The following DSCAM variants were observed in gnomAD, a reference collection of about 807,000 sequenced individuals.
DSCAM encodes the protein cell adhesion molecule DSCAM.
DSCAM carries 47 observed loss-of-function variants against 217.7 expected under a neutral mutation model. That is an observed-to-expected ratio of 0.22 (90% CI 0.17 to 0.28). The LOEUF is 0.28. DSCAM is among the 10% of genes least tolerant of loss of function. DSCAM has a pLI of 1.00. For missense variants in DSCAM, 2,080 were observed against 2,618.3 expected (o/e 0.79, Z 4.49); for synonymous variants, 1,056 against 1,015.3 (o/e 1.04, Z -0.76).
chr21:40,396,779 T>C (rs747267936), intron 3 of DSCAM, among the ~76,000 whole-genome samples: 7 of 152,184 alleles, frequency 4.6e-5, no homozygotes, highest in Non-Finnish European at 8.8e-5. Context: ...AACTGTCCTA[T>C]AGAATTAATG....
chr21:40,304,358 T>C (rs1176599793), intron 9 of DSCAM, among the ~76,000 whole-genome samples: 1 of 152,364 alleles, frequency 6.6e-6, no homozygotes, highest in African/African-American at 2.4e-5. Context: ...TGTATCAAGC[T>C]TGTACTTAAG....
chr21:40,247,431 A>G (rs1569021755), intron 11 of DSCAM, among the ~76,000 whole-genome samples: 1 of 152,216 alleles, frequency 6.6e-6, no homozygotes, highest in African/African-American at 2.4e-5. Context: ...GGGTACAGGC[A>G]TTGGGGAAAT....
At chr21:40,649,838 A>AT (rs2089992034) in intron 3 of DSCAM, among the ~76,000 whole-genome samples, 1 of 152,140 alleles carries the variant, frequency 6.6e-6, no homozygotes, top group African/African-American at 2.4e-5. Context: ...TTTTCACTAT[A>AT]TTTTGTCTCA....
chr21:40,067,175 T>C (rs1416272916), intron 27 of DSCAM, among the ~76,000 whole-genome samples: 1 of 152,200 alleles, frequency 6.6e-6, no homozygotes, highest in African/African-American at 2.4e-5. Flanking sequence ...GTATCTCATG[T>C]AAAAATAATG....
At position 40,144,725 on chromosome 21, in the gene DSCAM, T is replaced by G. The variant is rs755715843; in HGVS notation, c.3025A>C (p.Lys1009Gln). The G allele has an allele frequency of 6.2e-7, 1 of 1,614,196 alleles. No homozygotes were observed. Among genetic ancestry groups the G allele is most frequent in the Non-Finnish European group, 8.5e-7 (1 of 1,180,044 alleles). ...QSIRVTWKAPKKHLQNGIIRG... is the reference protein window; with the variant it reads ...QSIRVTWKAPQKHLQNGIIRG... ...ATAATCCCATTTTGCAAATGTTTCT[T>G]GGGAGCCTAAACAGGAGAGAAAAGA... The change falls in exon 17 of 33, where the codon AAG (lysine) becomes CAG (glutamine). Residue 1009 changes from lysine to glutamine, a missense_variant. Lys to Gln is a moderately conservative substitution (Grantham distance 53). Coordinates refer to ENST00000400454, the MANE Select transcript of DSCAM (RefSeq NM_001389.5). This position sits in a 1 kb window ranked among gnomAD's most constrained non-coding sequence, Gnocchi z 4.8.
rs543677858 is a variant in DSCAM at position 40,554,172 on chromosome 21, C to T, written c.508+138638G>A. On this transcript the variant is annotated intron_variant, in intron 3 of 32. Transcript: ENST00000400454. ...GGGACTACAGGCATGCATCACCATGCCTGGCTGTTTGTTTTGATTGTTAGT... is the reference window on the plus strand; with the variant it reads ...GGGACTACAGGCATGCATCACCATGTCTGGCTGTTTGTTTTGATTGTTAGT... Among the ~76,000 whole-genome samples, 12 of 151,776 alleles carry T rather than the reference C, an allele frequency of 7.9e-5. No homozygotes were observed. In the South Asian group the frequency reaches 2.3e-3, roughly 29 times the overall value.
intron 30 of DSCAM, among the ~76,000 whole-genome samples, chr21:40,051,420 G>A (rs2088928999): frequency 6.6e-6 from 1 of 152,138 alleles, no homozygotes; most frequent in African/African-American, 2.4e-5. Flanking sequence ...CTCAAACAGT[G>A]TGTTCAGGGG....
chr21:40,467,964 C>G (rs1037999376), intron 3 of DSCAM, among the ~76,000 whole-genome samples: 1 of 150,238 alleles, frequency 6.7e-6, no homozygotes, highest in Admixed American at 6.6e-5. Context: ...ACATAGCTCC[C>G]TCACAATTTG....
At chr21:40,562,490 A>G (rs2076728289) in intron 3 of DSCAM, among the ~76,000 whole-genome samples, 1 of 152,144 alleles carries the variant, frequency 6.6e-6, no homozygotes, top group Non-Finnish European at 1.5e-5. Context: ...ACACCTCCCT[A>G]GACACACCAC....
chr21:40,492,439 A>G (rs1210847058), intron 3 of DSCAM, among the ~76,000 whole-genome samples: 6 of 152,176 alleles, frequency 3.9e-5, no homozygotes, highest in Non-Finnish European at 5.9e-5. Context: ...TAATTCAAAA[A>G]ATTTTTAAGA....
intron 2 of DSCAM, among the ~76,000 whole-genome samples, chr21:40,706,065 C>T (rs1031612814): frequency 1.3e-5 from 2 of 151,642 alleles, no homozygotes; most frequent in Admixed American, 6.6e-5. Flanking sequence ...CCTGTAGTCC[C>T]AGCTACTCTG....
chr21:40,061,907 G>A (rs940240149), intron 28 of DSCAM, among the ~76,000 whole-genome samples: 22 of 152,204 alleles, frequency 1.4e-4, no homozygotes, highest in African/African-American at 3.4e-4. Context: ...GTTCACTATC[G>A]GAGTCCTTGA....
intron 11 of DSCAM, among the ~76,000 whole-genome samples, chr21:40,221,372 T>G (rs183713692): frequency 6.7e-6 from 1 of 150,176 alleles, no homozygotes; most frequent in Non-Finnish European, 1.5e-5. Context: ...TATAATAATG[T>G]GTACGTGTAT....
chr21:40,597,500 C>CTTTTTTTTTTTTTTTTTT (rs10530311), intron 3 of DSCAM, among the ~76,000 whole-genome samples: 1 of 75,854 alleles, frequency 1.3e-5, no homozygotes, highest in Non-Finnish European at 2.3e-5. Flanking sequence ...CAGTAATAGG[C>CTTTTTTTTTTTTTTTTTT]TTTTTTTTTT....
In DSCAM at chr21:40,691,780, C is replaced by T. The variant is rs1200370038; in HGVS notation, c.508+1030G>A. Among the ~76,000 whole-genome samples, 4 of 152,136 alleles carry T rather than the reference C, an allele frequency of 2.6e-5. No individual in the cohort carries two copies. The East Asian group carries it at 7.7e-4, about 29-fold the overall frequency. ...AAGAATTCCATTCTATCCTAGATTC[C>T]TGTAATGTGCTATGATGGCAATGTA... On this transcript the variant is annotated intron_variant, in intron 3 of 32. Coordinates refer to ENST00000400454, the MANE Select transcript of DSCAM (RefSeq NM_001389.5).
At chr21:40,570,108 A>AG (rs1370716998) in intron 3 of DSCAM, among the ~76,000 whole-genome samples, 4 of 152,218 alleles carry the variant, frequency 2.6e-5, no homozygotes, top group Admixed American at 6.5e-5. Flanking sequence ...AGTCAAGAAC[A>AG]GGTCTAGAGA....
At chr21:40,104,512 G>C (rs1273469405) in intron 20 of DSCAM, among the ~76,000 whole-genome samples, 1 of 152,160 alleles carries the variant, frequency 6.6e-6, no homozygotes, top group African/African-American at 2.4e-5. Context: ...GGGCATTTTA[G>C]CAAAACTTTG....
intron 1 of DSCAM, among the ~76,000 whole-genome samples, chr21:40,728,572 C>T (rs993468564): frequency 2.0e-5 from 3 of 152,102 alleles, no homozygotes; most frequent in African/African-American, 7.2e-5. Flanking sequence ...GCACCTACAA[C>T]CACGCCCGGC....
chr21:40,631,643 T>C (rs527626537), intron 3 of DSCAM, among the ~76,000 whole-genome samples: 15 of 152,246 alleles, frequency 9.9e-5, no homozygotes, highest in Non-Finnish European at 1.6e-4. Context: ...ACAATCACTC[T>C]GTTCACTCCA....
Sources: allele counts gnomAD v4.1 joint callset (sites outside exome capture counted in the v4.1 genomes callset), GRCh38; gene constraint gnomAD v4.1.1; non-coding constraint Gnocchi (gnomAD v3.1); transcripts MANE v1.5; gene names NCBI Gene and HGNC (gene_info 2026-07-23, HGNC 2026-07-21).